DCDC1: variants seen among roughly 807,000 people sequenced by gnomAD.
DCDC1 encodes the protein doublecortin domain containing 1.
Under a neutral mutation model 178.3 loss-of-function variants are expected in DCDC1, and 200 were observed. The ratio of observed to expected loss-of-function variants is 1.12; its 90% confidence interval spans 1.00 to 1.26. DCDC1 has a LOEUF of 1.26. Ranked by LOEUF, DCDC1 falls within the 50% of genes most tolerant of loss-of-function variation. The pLI, the probability that DCDC1 is intolerant of heterozygous loss-of-function variation, is 0.00. For missense variants in DCDC1, 1,983 were observed against 1,749.2 expected, an observed-to-expected ratio of 1.13 and a Z score of -2.38; for synonymous variants, 690 against 604.8, an observed-to-expected ratio of 1.14 and a Z score of -2.07.
At chr11:31,367,092 T>C (rs1268729415) in intron 1 of DCDC1, among the ~76,000 whole-genome samples, 1 of 152,114 alleles carries the variant, frequency 6.6e-6, no homozygotes, top group African/African-American at 2.4e-5. Context: ...GCTCAAGAGT[T>C]CCAGACCAGC....
intron 20 of DCDC1, among the ~76,000 whole-genome samples, chr11:31,028,810 A>C (rs911267101): frequency 6.6e-6 from 1 of 152,058 alleles, no homozygotes; most frequent in South Asian, 2.1e-4. Flanking sequence ...CTGTATCACC[A>C]GGGAGTTTTG....
chr11:31,135,142 G>A (rs1962969989), intron 10 of DCDC1, among the ~76,000 whole-genome samples: 1 of 152,206 alleles, frequency 6.6e-6, no homozygotes, highest in Non-Finnish European at 1.5e-5. Context: ...AGATAAAACT[G>A]TAGGCAGTGG....
intron 9 of DCDC1, among the ~76,000 whole-genome samples, chr11:31,150,932 T>C (rs751237175): frequency 9.2e-5 from 14 of 152,200 alleles, no homozygotes; most frequent in South Asian, 4.1e-4. Context: ...CAATGGAAGA[T>C]TAATAAATTC....
intron 34 of DCDC1, among the ~76,000 whole-genome samples, chr11:30,895,662 A>G (rs1944145851): frequency 6.6e-6 from 1 of 152,202 alleles, no homozygotes; most frequent in South Asian, 2.1e-4. Context: ...TATGTCCCTA[A>G]TAAGCATTTA....
chr11:31,011,637 T>A (rs1157003677), intron 20 of DCDC1, among the ~76,000 whole-genome samples: 1 of 152,184 alleles, frequency 6.6e-6, no homozygotes, highest in East Asian at 1.9e-4. Context: ...TACGCTATAG[T>A]AGAACCACTT....
intron 10 of DCDC1, among the ~76,000 whole-genome samples, chr11:31,129,275 A>G (rs1962097349): frequency 6.6e-6 from 1 of 152,174 alleles, no homozygotes; most frequent in Non-Finnish European, 1.5e-5. Context: ...TACAAGTGTT[A>G]CATGCATAGA....
chr11:31,292,963 A>G (rs927585926), intron 6 of DCDC1, among the ~76,000 whole-genome samples: 1 of 152,024 alleles, frequency 6.6e-6, no homozygotes, highest in Non-Finnish European at 1.5e-5. Flanking sequence ...AAGGGTATTA[A>G]CTCTACCTTC....
At chr11:30,879,958 G>C (rs75361411) in intron 37 of DCDC1, among the ~76,000 whole-genome samples, 3,611 of 134,836 alleles carry the variant, frequency 0.027, 123 homozygotes, top group African/African-American at 0.093. Flanking sequence ...AAGGGACTGG[G>C]AAGGTACCTC....
In DCDC1 at chr11:30,864,812, A is replaced by C. The variant is rs184689094; in HGVS notation, c.*561T>G. The C allele has an allele frequency of 1.3e-5, 2 of 152,258 alleles. No individual in the cohort carries two copies. Among genetic ancestry groups the C allele is most frequent in the East Asian group, 3.9e-4 (2 of 5,188 alleles). 9.4% of individuals were successfully genotyped at this position (152,258 alleles called of 1,614,324 possible). ...AATTTAGAGAATGTATACAGATTTC[A>C]CTGGCATACAAAATGTCTATGGCTA... On this transcript the variant is annotated 3_prime_UTR_variant, in exon 39 of 39. Coordinates refer to ENST00000684477, the MANE Select transcript of DCDC1 (RefSeq NM_001387274.1).
chr11:31,012,833 C>T (rs1952255350), intron 20 of DCDC1, among the ~76,000 whole-genome samples: 1 of 151,992 alleles, frequency 6.6e-6, no homozygotes, highest in Non-Finnish European at 1.5e-5. Context: ...GGTTTGAAAA[C>T]ATGCAAAACC....
At chr11:30,980,995 G>A (rs1338443598) in intron 20 of DCDC1, among the ~76,000 whole-genome samples, 1 of 152,102 alleles carries the variant, frequency 6.6e-6, no homozygotes, top group East Asian at 1.9e-4. Context: ...TATACACCAC[G>A]AATACAACAT....
chr11:30,929,334 T>C (rs919232461), intron 22 of DCDC1, among the ~76,000 whole-genome samples: 4 of 152,084 alleles, frequency 2.6e-5, no homozygotes, highest in African/African-American at 9.7e-5. Flanking sequence ...AACTGAATGA[T>C]AGGTGCTGTA....
intron 38 of DCDC1, among the ~76,000 whole-genome samples, chr11:30,873,467 T>A (rs1462448127): frequency 6.6e-6 from 1 of 152,022 alleles, no homozygotes; most frequent in African/African-American, 2.4e-5. Context: ...AAAGTGTCTG[T>A]CTTCCAAGGA....
intron 11 of DCDC1, among the ~76,000 whole-genome samples, chr11:31,122,770 G>A (rs895029013): frequency 1.3e-5 from 2 of 152,040 alleles, no homozygotes; most frequent in Non-Finnish European, 2.9e-5. Context: ...TCAATGACAT[G>A]GGCAAGTTCT....
rs781717127 is a variant in DCDC1, at chr11:30,920,894, T to C, written c.3175A>G (p.Lys1059Glu). The C allele has an allele frequency of 1.2e-6, 2 of 1,612,876 alleles. No individual in the cohort carries two copies. The highest frequency in any genetic ancestry group is 3.3e-5 in the Admixed American group (2 of 59,868). ...GCTACAGGTTTATGCACAGCAAGCT[T>C]GCTTCCAGATACAATGTCACTTTGG... is the stretch of plus-strand genomic sequence containing the variant. ...EVQSDIVSGS[K>E]LAVHKPVAIF... The change falls in exon 25 of 39, where the codon AAG becomes GAG. Residue 1059 changes from lysine to glutamate, a missense_variant. Physicochemically the swap from Lys to Glu is moderately conservative, Grantham distance 56. Coordinates refer to ENST00000684477, the MANE Select transcript of DCDC1 (RefSeq NM_001387274.1).
intron 8 of DCDC1, among the ~76,000 whole-genome samples, chr11:31,257,218 T>C (rs990883617): frequency 1.3e-5 from 2 of 152,190 alleles, no homozygotes; most frequent in Non-Finnish European, 2.9e-5. Context: ...ATTCTACTCT[T>C]CACTATGTTA....
At chr11:31,095,928 T>A (rs1277906371) in intron 15 of DCDC1, among the ~76,000 whole-genome samples, 1 of 152,232 alleles carries the variant, frequency 6.6e-6, no homozygotes. Context: ...TAAAACCCAA[T>A]AAATGATGTT....
chr11:31,224,929 G>A (rs1974733518), intron 9 of DCDC1, among the ~76,000 whole-genome samples: 1 of 152,136 alleles, frequency 6.6e-6, no homozygotes, highest in East Asian at 1.9e-4. Context: ...CTAGTACAAT[G>A]ACTATGGAAA....
chr11:31,278,210 A>ACT (rs1946136969), intron 7 of DCDC1, among the ~76,000 whole-genome samples: 1 of 151,694 alleles, frequency 6.6e-6, no homozygotes, highest in Admixed American at 6.6e-5. Context: ...CTATTTCTGA[A>ACT]CTCTCCATTT....
Sources: gnomAD v4.1 joint callset for allele counts (sites outside exome capture counted in the v4.1 genomes callset) on GRCh38, gnomAD v4.1.1 for gene constraint, MANE v1.5 for transcripts, NCBI Gene and HGNC (gene_info 2026-07-23, HGNC 2026-07-21) for gene names.